The following PDZK1 variants were observed in gnomAD, a reference collection of about 807,000 sequenced individuals.
PDZK1 encodes Na(+)/H(+) exchange regulatory cofactor NHE-RF3.
In PDZK1, 23 loss-of-function variants were observed where a neutral mutation model predicts 38.1. The ratio of observed to expected loss-of-function variants is 0.60; its 90% confidence interval spans 0.43 to 0.85. PDZK1 has a LOEUF of 0.85. PDZK1 is among the 40% of genes least tolerant of loss of function. PDZK1 has a pLI of 0.00. For missense variants in PDZK1, 297 were observed against 504.3 expected (o/e 0.59, Z 3.94); for synonymous variants, 98 against 186.2 (o/e 0.53, Z 3.86).
chr1:145,686,134 C>T (rs1352441782), intron 3 of PDZK1, among the ~76,000 whole-genome samples: 6 of 152,092 alleles, frequency 3.9e-5, no homozygotes, highest in African/African-American at 1.4e-4. Flanking sequence ...CCTTATTCTG[C>T]CCTTCATTTT....
At chr1:145,687,761 A>C (rs782371954) in intron 2 of PDZK1, 51 bp downstream of exon 2, 1 of 1,445,060 alleles carries the variant, frequency 6.9e-7, no homozygotes, top group Admixed American at 1.7e-5. Flanking sequence ...AGCAGAGAAG[A>C]TGTGGGGGCT....
chr1:145,671,039 A>ATTT lies in PDZK1; in HGVS notation c.*394_*396dup. 6.3e-6 allele frequency: 1 copy of ATTT among 158,796 alleles called. No homozygotes were observed. Among genetic ancestry groups the ATTT allele is most frequent in the South Asian group, 1.7e-4 (1 of 5,842 alleles). 9.8% of individuals were successfully genotyped at this position (158,796 alleles called of 1,614,324 possible). On this transcript the variant is annotated 3_prime_UTR_variant, in exon 9 of 9. Coordinates refer to ENST00000417171, the MANE Select transcript of PDZK1 (RefSeq NM_001201325.2). ...ACCACAACATTGTTACAAAAGCACA[A>ATTT]TTTTAATAGGCTTATCTGCTAAGAT...
chr1:145,673,848 G>GACTT lies in PDZK1; in HGVS notation c.1020_1023dup (p.Gln342LysfsTer35). On this transcript the variant is annotated frameshift_variant, in exon 7 of 9. Coordinates refer to ENST00000417171, the MANE Select transcript of PDZK1 (RefSeq NM_001201325.2). LOFTEE classifies it high-confidence loss of function. ...TTGACAGAGCCATTGGGCAGTTCTT[G>GACTT]ACTTTGATAGTAGAGAAATGGAGAA... The GACTT allele has an allele frequency of 6.3e-7, 1 of 1,576,020 alleles. No homozygotes were observed. The highest frequency in any genetic ancestry group is 8.7e-7 in the Non-Finnish European group (1 of 1,155,070).
chr1:145,696,159 C>T (rs782818955), intron 1 of PDZK1, among the ~76,000 whole-genome samples: 2 of 152,206 alleles, frequency 1.3e-5, no homozygotes, highest in South Asian at 2.1e-4. Context: ...CAGCTCAATT[C>T]GAACACAACT....
At chr1:145,687,686 G>A in intron 2 of PDZK1, 126 bp downstream of exon 2, 1 of 743,570 alleles carries the variant, frequency 1.3e-6, no homozygotes, top group Non-Finnish European at 2.4e-6. Context: ...AGCAATAAAG[G>A]TGTCCTGCCT....
chr1:145,680,537 CTTCA>C (rs587693595), intron 5 of PDZK1, among the ~76,000 whole-genome samples: 104 of 152,172 alleles, frequency 6.8e-4, no homozygotes, highest in African/African-American at 2.4e-3. Context: ...CTGTGCAACA[CTTCA>C]TTGTGTTCAG....
rs587705049 is a variant in PDZK1 at position 145,694,571 on chromosome 1, T to C, written c.-2-6548A>G. Among the ~76,000 whole-genome samples, 215 of 152,212 alleles carry C rather than the reference T, an allele frequency of 1.4e-3. 2 individuals carry two copies. The highest frequency in any genetic ancestry group is 0.013 in the Admixed American group (197 of 15,284). ...ACACCACCCCTATTCTCAAGAGCCT[T>C]TATAGTTGAATAAAGTTAAGAAAAA... On this transcript the variant is annotated intron_variant, in intron 1 of 8. Transcript: ENST00000417171.
chr1:145,688,814 C>T (rs1655015871), intron 1 of PDZK1, among the ~76,000 whole-genome samples: 1 of 152,064 alleles, frequency 6.6e-6, no homozygotes. Context: ...CAAAAATTAG[C>T]CAGGCGTGGT....
chr1:145,690,730 G>C (rs1553702992), intron 1 of PDZK1, among the ~76,000 whole-genome samples: 1 of 152,202 alleles, frequency 6.6e-6, no homozygotes, highest in East Asian at 1.9e-4. Context: ...GCCAAGGATA[G>C]AAAGTGAAAC....
chr1:145,706,750 G>A (rs1656269674), intron 1 of PDZK1, among the ~76,000 whole-genome samples: 1 of 152,096 alleles, frequency 6.6e-6, no homozygotes, highest in Non-Finnish European at 1.5e-5. Context: ...AATGCCAAAG[G>A]TGAGAGCCTG....
chr1:145,687,662 C>T, intron 2 of PDZK1, 150 bp downstream of exon 2: 1 of 667,992 alleles, frequency 1.5e-6, no homozygotes, highest in East Asian at 2.7e-5. Flanking sequence ...ACTTGATTGG[C>T]CAACACAAGG....
intron 1 of PDZK1, among the ~76,000 whole-genome samples, chr1:145,705,319 G>C (rs1656187052): frequency 1.3e-5 from 2 of 152,114 alleles, no homozygotes; most frequent in Admixed American, 6.5e-5. Context: ...TTGAACTCCT[G>C]ACCTCAGGTG....
At chr1:145,680,148 A>C (rs1654091076) in intron 5 of PDZK1, among the ~76,000 whole-genome samples, 1 of 152,084 alleles carries the variant, frequency 6.6e-6, no homozygotes, top group Non-Finnish European at 1.5e-5. Context: ...CTTAACCTCT[A>C]TCTCCCTTCA....
At chr1:145,672,662 T>G in intron 8 of PDZK1, 68 bp downstream of exon 8, 4 of 1,578,456 alleles carry the variant, frequency 2.5e-6, no homozygotes, top group Non-Finnish European at 2.6e-6. Context: ...AGACATTAAA[T>G]ATACTCATAG....
At chr1:145,693,947 G>A (rs193010377) in intron 1 of PDZK1, among the ~76,000 whole-genome samples, 3 of 152,204 alleles carry the variant, frequency 2.0e-5, no homozygotes, top group Admixed American at 2.0e-4. Context: ...CTGATTAGGA[G>A]AAGCCCTTGG....
intron 1 of PDZK1, among the ~76,000 whole-genome samples, chr1:145,702,840 C>A (rs1553705188): frequency 6.6e-6 from 1 of 152,192 alleles, no homozygotes; most frequent in Non-Finnish European, 1.5e-5. Context: ...TTGCAGTGAG[C>A]CAAGATCGTG....
intron 2 of PDZK1, among the ~76,000 whole-genome samples, chr1:145,687,511 C>T (rs780780468): frequency 2.7e-5 from 3 of 113,204 alleles, no homozygotes; most frequent in South Asian, 2.9e-4. Flanking sequence ...GGTGAAAGAG[C>T]GAAACTCCAT....
chr1:145,687,001 G>T (rs970177950), intron 2 of PDZK1, among the ~76,000 whole-genome samples: 3 of 152,068 alleles, frequency 2.0e-5, no homozygotes, highest in African/African-American at 4.8e-5. Context: ...AGAGAGGAGC[G>T]CTGCCCTAGA....
chr1:145,676,969 A>G (rs1234488475), intron 6 of PDZK1, among the ~76,000 whole-genome samples: 7 of 152,086 alleles, frequency 4.6e-5, no homozygotes, highest in Non-Finnish European at 5.9e-5. Context: ...GAATATTCCA[A>G]TTCAACCCTC....
Sources: allele counts gnomAD v4.1 joint callset (sites outside exome capture counted in the v4.1 genomes callset), GRCh38; gene constraint gnomAD v4.1.1; transcripts MANE v1.5; gene names NCBI Gene and HGNC (gene_info 2026-07-23, HGNC 2026-07-21).